Variants in KHDRBS2 observed in about 807,000 individuals in gnomAD.
The protein encoded by KHDRBS2 is KH RNA binding domain containing, signal transduction associated 2.
Under a neutral mutation model 44.3 loss-of-function variants are expected in KHDRBS2, and 26 were observed. The ratio of observed to expected loss-of-function variants is 0.59; its 90% CI spans 0.43 to 0.81. KHDRBS2 has a LOEUF of 0.81. Ranked by LOEUF, KHDRBS2 falls within the 40% of genes least tolerant of loss-of-function variation. The pLI is 0.00. For synonymous variants in KHDRBS2, 194 were observed against 151.1 expected (o/e 1.28, Z -2.08); for missense variants, 476 against 433.1 (o/e 1.10, Z -0.88).
intron 6 of KHDRBS2, among the ~76,000 whole-genome samples, chr6:61,777,606 G>C (rs572035414): frequency 1.3e-5 from 2 of 152,220 alleles, no homozygotes; most frequent in South Asian, 4.1e-4. Context: ...AACAATGGAA[G>C]CCTCCAGAGA....
chr6:62,247,874 A>G lies in KHDRBS2; in HGVS notation c.91+37984T>C, dbSNP rs148789517. On this transcript the variant is annotated intron_variant, in intron 1 of 8. Transcript: ENST00000281156. ...TTTCTATTCAAGGAACTCCCCAGAG[A>G]ATATCTCCATTTTTTAAAATCCATA... Among the ~76,000 whole-genome samples the G allele has an allele frequency of 1.5e-3, 235 of 152,104 alleles. 1 individual carries two copies. In the South Asian group the frequency reaches 0.025, roughly 16 times the overall value.
intron 8 of KHDRBS2, among the ~76,000 whole-genome samples, chr6:61,690,760 G>C (rs1168996108): frequency 1.3e-5 from 2 of 151,966 alleles, no homozygotes; most frequent in Non-Finnish European, 2.9e-5. Flanking sequence ...CTTCAAAAAT[G>C]CAAATGACTG....
chr6:61,650,075 T>G, the KHDRBS2 span, among the ~76,000 whole-genome samples: 1 of 152,142 alleles, frequency 6.6e-6, no homozygotes, highest in Non-Finnish European at 1.5e-5. Flanking sequence ...GCATGTTCTT[T>G]TCCATAGCAG....
intron 6 of KHDRBS2, among the ~76,000 whole-genome samples, chr6:61,799,735 A>G (rs1785964360): frequency 6.6e-6 from 1 of 152,078 alleles, no homozygotes; most frequent in African/African-American, 2.4e-5. Flanking sequence ...AAGACAAAAA[A>G]ACAGTTGGAT....
chr6:62,185,929 A>C (rs866087588), intron 1 of KHDRBS2, among the ~76,000 whole-genome samples: 18 of 152,046 alleles, frequency 1.2e-4, no homozygotes, highest in African/African-American at 4.3e-4. Flanking sequence ...CGTATAAGAT[A>C]AGACCACAAC....
chr6:61,622,346 C>T, the KHDRBS2 span, among the ~76,000 whole-genome samples: 1 of 152,098 alleles, frequency 6.6e-6, no homozygotes, highest in East Asian at 1.9e-4. Context: ...GGGTCAATAA[C>T]CAGCATTAAA....
intron 1 of KHDRBS2, among the ~76,000 whole-genome samples, chr6:62,282,616 A>G (rs1841953481): frequency 6.6e-6 from 1 of 152,156 alleles, no homozygotes; most frequent in Non-Finnish European, 1.5e-5. Flanking sequence ...TCAAACATTA[A>G]TAGTAGTTCA....
intron 7 of KHDRBS2, among the ~76,000 whole-genome samples, chr6:61,728,996 T>G (rs917054674): frequency 2.6e-5 from 4 of 152,116 alleles, no homozygotes; most frequent in African/African-American, 9.7e-5. Context: ...AAAAGGAATA[T>G]AAATCATTCT....
intron 2 of KHDRBS2, among the ~76,000 whole-genome samples, chr6:62,098,019 T>A (rs1465614637): frequency 6.6e-6 from 1 of 152,120 alleles, no homozygotes; most frequent in Admixed American, 6.6e-5. Context: ...ACAAAAAAAG[T>A]CTACACTATA....
At chr6:62,065,218 A>G (rs1327899860) in intron 2 of KHDRBS2, among the ~76,000 whole-genome samples, 3 of 152,190 alleles carry the variant, frequency 2.0e-5, no homozygotes, top group African/African-American at 7.2e-5. Flanking sequence ...TGTGGAAGTC[A>G]GTGTGGCCAT....
At chr6:61,995,219 T>C (rs1184023272) in intron 3 of KHDRBS2, among the ~76,000 whole-genome samples, 1 of 152,138 alleles carries the variant, frequency 6.6e-6, no homozygotes, top group East Asian at 1.9e-4. Context: ...TAGCTAAGTG[T>C]ATCACAAAAG....
At chr6:61,637,958 G>A in the KHDRBS2 span, among the ~76,000 whole-genome samples, 6 of 151,780 alleles carry the variant, frequency 4.0e-5, no homozygotes, top group South Asian at 2.1e-4. Context: ...AGTAGGTTGC[G>A]AAAATTTTCT....
chr6:61,871,501 C>T (rs1583266847), intron 6 of KHDRBS2, among the ~76,000 whole-genome samples: 1 of 152,242 alleles, frequency 6.6e-6, no homozygotes, highest in African/African-American at 2.4e-5. Context: ...TCAGGAAATA[C>T]AGACAACACC....
At chr6:62,255,374 A>T (rs1477454777) in intron 1 of KHDRBS2, among the ~76,000 whole-genome samples, 1 of 152,054 alleles carries the variant, frequency 6.6e-6, no homozygotes, top group Admixed American at 6.6e-5. Flanking sequence ...AAGTGCCAAC[A>T]TTATTCTAAG....
At chr6:61,545,973 T>G in the KHDRBS2 span, among the ~76,000 whole-genome samples, 1 of 152,122 alleles carries the variant, frequency 6.6e-6, no homozygotes. Flanking sequence ...TCCCCAGAAC[T>G]GTGCAAAAGT....
At chr6:62,123,556 TG>T (rs1443383877) in intron 2 of KHDRBS2, among the ~76,000 whole-genome samples, 1 of 152,224 alleles carries the variant, frequency 6.6e-6, no homozygotes, top group Admixed American at 6.5e-5. Flanking sequence ...TCCTGCCTAC[TG>T]TTTTGTAAAT....
At chr6:61,866,010 C>T (rs1183823158) in intron 6 of KHDRBS2, among the ~76,000 whole-genome samples, 1 of 152,188 alleles carries the variant, frequency 6.6e-6, no homozygotes, top group Admixed American at 6.5e-5. Context: ...GTGTCTCCAG[C>T]TTCCAGGTGC....
At chr6:62,143,154 G>A (rs572506290) in intron 2 of KHDRBS2, among the ~76,000 whole-genome samples, 4 of 151,864 alleles carry the variant, frequency 2.6e-5, no homozygotes, top group African/African-American at 9.6e-5. Flanking sequence ...CTACAGTAAC[G>A]TTTCTGCATA....
intron 1 of KHDRBS2, among the ~76,000 whole-genome samples, chr6:62,252,163 T>A (rs1314420769): frequency 6.6e-6 from 1 of 151,888 alleles, no homozygotes; most frequent in Non-Finnish European, 1.5e-5. Flanking sequence ...AAATAAATAT[T>A]CATTGCTTGA....
Sources: allele counts gnomAD v4.1 joint callset (sites outside exome capture counted in the v4.1 genomes callset), GRCh38; gene constraint gnomAD v4.1.1; transcripts MANE v1.5; gene names NCBI Gene and HGNC (gene_info 2026-07-23, HGNC 2026-07-21).